The following PCDH11X variants were observed in gnomAD, a reference collection of about 807,000 sequenced individuals.
The protein encoded by PCDH11X is protocadherin-11 X-linked.
A neutral mutation model predicts 53.3 loss-of-function variants in PCDH11X; 18 were observed. That is an observed-to-expected ratio of 0.34 (90% CI 0.23 to 0.50). PCDH11X has a LOEUF of 0.50. Among genes scored for constraint, PCDH11X ranks in the 20% least tolerant of loss-of-function variants. The pLI is 0.98. For missense variants in PCDH11X, 570 were observed against 1,032.4 expected (o/e 0.55, Z 6.14); for synonymous variants, 279 against 393.3 (o/e 0.71, Z 3.44).
intron 10 of PCDH11X, among the ~76,000 whole-genome samples, chrX:92,556,705 A>C (rs1437039676): frequency 9.2e-6 from 1 of 108,820 alleles, no homozygotes; most frequent in Non-Finnish European, 1.9e-5. Flanking sequence ...CTGTTGGTGG[A>C]CCTACCATTC....
At chrX:92,051,931 A>T (rs2063373087) in intron 6 of PCDH11X, among the ~76,000 whole-genome samples, 3 of 108,766 alleles carry the variant, frequency 2.8e-5, no homozygotes, top group Admixed American at 2.0e-4. Context: ...TGAAATGTAA[A>T]TACCATTGTG....
chrX:92,124,101 A>C (rs778530718), intron 6 of PCDH11X, among the ~76,000 whole-genome samples: 57 of 111,961 alleles, frequency 5.1e-4, no homozygotes, highest in Admixed American at 3.5e-3. Flanking sequence ...GATGCTGTCT[A>C]TAACGCTACT....
rs753742257 is a variant in PCDH11X, at chrX:92,014,801, C to T, written c.3033+135528C>T. Among the ~76,000 whole-genome samples the T allele has an allele frequency of 5.0e-4, 56 of 111,172 alleles. No homozygotes were observed. The Middle Eastern group carries it at 0.014, about 28-fold the overall frequency. The stretch of plus-strand genomic sequence containing the variant: ...ATCGCAAGGAGAAAAAACCAAACAC[C>T]GCATGTTCTCACTCATAGGTGGGAA... On this transcript the variant is annotated intron_variant, in intron 6 of 10. Coordinates refer to ENST00000682573, the MANE Select transcript of PCDH11X (RefSeq NM_032968.5).
chrX:92,323,692 A>G (rs960369312), intron 8 of PCDH11X, among the ~76,000 whole-genome samples: 8 of 111,035 alleles, frequency 7.2e-5, no homozygotes, highest in South Asian at 3.8e-4. Flanking sequence ...GCTTTCTACT[A>G]TGATTACAAC....
intron 6 of PCDH11X, among the ~76,000 whole-genome samples, chrX:92,090,093 C>T (rs2064025029): frequency 9.0e-6 from 1 of 110,898 alleles, no homozygotes; most frequent in Non-Finnish European, 1.9e-5. Flanking sequence ...CTTCATTTAA[C>T]TTTTCTACAG....
At chrX:92,086,721 G>A (rs2063957757) in intron 6 of PCDH11X, among the ~76,000 whole-genome samples, 2 of 110,728 alleles carry the variant, frequency 1.8e-5, no homozygotes, top group Non-Finnish European at 3.8e-5. Context: ...CAACGACCCA[G>A]ATGTCTTTAT....
intron 6 of PCDH11X, among the ~76,000 whole-genome samples, chrX:91,931,947 T>C (rs2061390586): frequency 9.0e-6 from 1 of 111,225 alleles, no homozygotes; most frequent in Non-Finnish European, 1.9e-5. Flanking sequence ...AAGCCCAGGA[T>C]CCATTAGCTA....
chrX:91,845,645 T>C (rs1049097810), intron 5 of PCDH11X, among the ~76,000 whole-genome samples: 1 of 111,783 alleles, frequency 8.9e-6, no homozygotes, highest in Non-Finnish European at 1.9e-5. Flanking sequence ...GGCTTCTGTA[T>C]AGGCTATTTA....
At chrX:92,419,035 T>C (rs184074164) in intron 9 of PCDH11X, among the ~76,000 whole-genome samples, 43 of 107,281 alleles carry the variant, frequency 4.0e-4, no homozygotes, top group African/African-American at 1.4e-3. Flanking sequence ...GTTTTTTTTT[T>C]TTCATGTATT....
intron 6 of PCDH11X, among the ~76,000 whole-genome samples, chrX:92,101,944 A>G (rs1208411432): frequency 8.9e-6 from 1 of 112,104 alleles, no homozygotes. Context: ...GTACTATAGC[A>G]TAGCCTGCCT....
intron 4 of PCDH11X, among the ~76,000 whole-genome samples, chrX:91,822,562 C>G (rs1392465070): frequency 1.9e-5 from 2 of 108,015 alleles, no homozygotes; most frequent in Non-Finnish European, 3.8e-5. Flanking sequence ...ATTCTTCTCT[C>G]TTTTTTTCTT....
chrX:92,537,215 A>AT (rs34368930), intron 10 of PCDH11X, among the ~76,000 whole-genome samples: 26,489 of 94,877 alleles, frequency 0.28, 3,261 homozygotes, highest in Non-Finnish European at 0.37. Flanking sequence ...CCATTTGTCC[A>AT]TTTTTTTTTT....
intron 5 of PCDH11X, among the ~76,000 whole-genome samples, chrX:91,837,931 G>C (rs1160599817): frequency 9.0e-6 from 1 of 111,667 alleles, no homozygotes; most frequent in East Asian, 2.8e-4. Flanking sequence ...CATGTGGTTA[G>C]TGGCTATCAT....
chrX:91,957,823 C>T (rs180833000), intron 6 of PCDH11X, among the ~76,000 whole-genome samples: 4,083 of 107,995 alleles, frequency 0.038, 238 homozygotes, highest in African/African-American at 0.13. Context: ...GGCTCTCTTC[C>T]TCATCTGGAC....
At chrX:92,404,905 CT>C (rs1428113287) in intron 9 of PCDH11X, among the ~76,000 whole-genome samples, 1 of 84,833 alleles carries the variant, frequency 1.2e-5, no homozygotes, top group African/African-American at 4.6e-5. Context: ...ACTCTGGTCT[CT>C]GCCACTTGGT....
chrX:92,340,517 C>T (rs1269508520), intron 8 of PCDH11X, among the ~76,000 whole-genome samples: 1 of 112,195 alleles, frequency 8.9e-6, no homozygotes, highest in Non-Finnish European at 1.9e-5. Context: ...AGTCTTGACT[C>T]AGTGCACCCA....
intron 6 of PCDH11X, among the ~76,000 whole-genome samples, chrX:92,005,925 G>C (rs2062591858): frequency 9.0e-6 from 1 of 111,675 alleles, no homozygotes; most frequent in Non-Finnish European, 1.9e-5. Context: ...AATATGTCAT[G>C]CCACTCTCCC....
chrX:92,544,354 AAC>A (rs1039546332), intron 10 of PCDH11X, among the ~76,000 whole-genome samples: 9 of 111,788 alleles, frequency 8.1e-5, no homozygotes, highest in Non-Finnish European at 1.7e-4. Context: ...TTTTATGAAA[AAC>A]ACAGCCTTTG....
intron 9 of PCDH11X, among the ~76,000 whole-genome samples, chrX:92,396,134 A>G (rs1438381930): frequency 9.4e-6 from 1 of 106,321 alleles, no homozygotes; most frequent in African/African-American, 3.4e-5. Context: ...TGCTTATCTA[A>G]TGTAGTTAAA....
Sources: allele counts gnomAD v4.1 joint callset (sites outside exome capture counted in the v4.1 genomes callset), GRCh38; gene constraint gnomAD v4.1.1; transcripts MANE v1.5; gene names NCBI Gene and HGNC (gene_info 2026-07-23, HGNC 2026-07-21).